The following AFAP1 variants were observed in gnomAD, a reference collection of about 807,000 sequenced individuals.
AFAP1 encodes the protein actin filament-associated protein 1.
A neutral mutation model predicts 93.9 loss-of-function variants in AFAP1; 75 were observed. The observed-to-expected ratio is 0.80, with a 90% CI of 0.66 to 0.97. The LOEUF (loss-of-function observed/expected upper bound fraction) is 0.97. Among genes scored for constraint, AFAP1 ranks in the 50% least tolerant of loss-of-function variants. AFAP1 has a pLI of 0.00. For missense variants in AFAP1, 1,201 were observed against 1,050.8 expected (o/e 1.14, Z -1.98); for synonymous variants, 517 against 430.7 (o/e 1.20, Z -2.48).
At chr4:7,912,335 G>A (rs548557631) in intron 1 of AFAP1, among the ~76,000 whole-genome samples, 2 of 152,274 alleles carry the variant, frequency 1.3e-5, no homozygotes, top group South Asian at 2.1e-4. Context: ...TGAGTGCTGC[G>A]TCCTATGGCA....
rs1232856743 is a variant in AFAP1, at chr4:7,831,325, TA to T, written c.726+7198del. The stretch of plus-strand genomic sequence containing the variant: ...TGAAAAATAGAGTAACTGAACAATT[TA>T]AACTCTTTAGAAAAGATACTTTACC... On this transcript the variant is annotated intron_variant, in intron 6 of 17. Coordinates refer to ENST00000420658, the MANE Select transcript of AFAP1 (RefSeq NM_001134647.2). 4.6e-5 allele frequency among the ~76,000 whole-genome samples: 7 copies of T among 151,728 alleles called. No individual in the cohort carries two copies. The South Asian group carries it at 6.3e-4, about 14-fold the overall frequency.
intron 1 of AFAP1, among the ~76,000 whole-genome samples, chr4:7,934,897 C>G (rs149011401): frequency 2.6e-5 from 4 of 152,276 alleles, no homozygotes; most frequent in Non-Finnish European, 4.4e-5. Context: ...ATTTTTTACA[C>G]GGGAATGTAA....
At chr4:7,866,440 C>G (rs972145812) in intron 3 of AFAP1, among the ~76,000 whole-genome samples, 1 of 152,206 alleles carries the variant, frequency 6.6e-6, no homozygotes, top group Non-Finnish European at 1.5e-5. Flanking sequence ...AGGCGATCCA[C>G]CCGCCTCAGC....
chr4:7,768,084 A>C (rs1042875730), intron 17 of AFAP1, among the ~76,000 whole-genome samples: 1 of 152,212 alleles, frequency 6.6e-6, no homozygotes, highest in South Asian at 2.1e-4. Context: ...CAAAAAAAGA[A>C]AAGTTAATTC....
chr4:7,912,137 T>C (rs1719767564), intron 1 of AFAP1, among the ~76,000 whole-genome samples: 1 of 152,192 alleles, frequency 6.6e-6, no homozygotes, highest in Admixed American at 6.5e-5. Flanking sequence ...AACAAGGACG[T>C]CATTAACTAT....
At chr4:7,825,101 T>C (rs1721305908) in intron 6 of AFAP1, among the ~76,000 whole-genome samples, 1 of 152,248 alleles carries the variant, frequency 6.6e-6, no homozygotes, top group Admixed American at 6.5e-5. Flanking sequence ...TTTCACTGTT[T>C]ATTATAGTTC....
rs1411569682 is a variant in AFAP1, at chr4:7,816,010, G to A, written c.904+8C>T. 6.2e-7 allele frequency: 1 copy of A among 1,606,714 alleles called. No homozygotes were observed. The highest frequency in any genetic ancestry group is 8.5e-7 in the Non-Finnish European group (1 of 1,176,520). On this transcript the variant is annotated splice_region_variant and intron_variant, in intron 8 of 17. Coordinates refer to ENST00000420658, the MANE Select transcript of AFAP1 (RefSeq NM_001134647.2). ...TGTATATATGTTTTTGGCACAAGCA[G>A]AACTCACCTTGCTCCTTTCCATTAC...
At chr4:7,771,439 AAT>A (rs1351950497) in intron 16 of AFAP1, among the ~76,000 whole-genome samples, 2 of 152,146 alleles carry the variant, frequency 1.3e-5, no homozygotes, top group African/African-American at 2.4e-5. Context: ...ATGTTGAATG[AAT>A]ATATGATTTT....
intron 1 of AFAP1, among the ~76,000 whole-genome samples, chr4:7,896,257 T>G (rs1295143036): frequency 6.6e-6 from 1 of 152,138 alleles, no homozygotes; most frequent in Non-Finnish European, 1.5e-5. Flanking sequence ...AAGAGGTTTT[T>G]TACATACACC....
intron 10 of AFAP1, among the ~76,000 whole-genome samples, chr4:7,794,984 A>T (rs76910064): frequency 0.01 from 1,590 of 152,328 alleles, 21 homozygotes; most frequent in African/African-American, 0.035. Flanking sequence ...TGAAGAAAAA[A>T]ATTTATTGCT....
intron 6 of AFAP1, among the ~76,000 whole-genome samples, chr4:7,831,383 C>G (rs1167795919): frequency 7.1e-6 from 1 of 140,180 alleles, no homozygotes; most frequent in Non-Finnish European, 1.5e-5. Flanking sequence ...TAAGAAAAAT[C>G]AGCAAATGCT....
intron 9 of AFAP1, among the ~76,000 whole-genome samples, chr4:7,803,712 T>A (rs964682515): frequency 3.3e-5 from 5 of 152,258 alleles, no homozygotes; most frequent in African/African-American, 1.2e-4. Flanking sequence ...TCTCATGGTG[T>A]CTTCTTCCCT....
At chr4:7,780,496 A>G (rs374524347) in intron 13 of AFAP1, among the ~76,000 whole-genome samples, 13 of 152,238 alleles carry the variant, frequency 8.5e-5, no homozygotes, top group Non-Finnish European at 1.8e-4. Flanking sequence ...CTTTAGGCAA[A>G]GCATGAACAA....
intron 14 of AFAP1, chr4:7,775,151 G>T (rs1715969525): frequency 4.6e-6 from 2 of 430,110 alleles, no homozygotes; most frequent in Admixed American, 4.0e-5. Flanking sequence ...AAAAAAATTA[G>T]GTTTATTCAA....
intron 17 of AFAP1, among the ~76,000 whole-genome samples, chr4:7,766,862 G>T (rs868199281): frequency 6.6e-6 from 1 of 152,162 alleles, no homozygotes; most frequent in Non-Finnish European, 1.5e-5. Context: ...ATTGGAAGCC[G>T]TCTGACTTTC....
intron 1 of AFAP1, among the ~76,000 whole-genome samples, chr4:7,920,711 G>A (rs1355672506): frequency 3.3e-5 from 5 of 152,126 alleles, no homozygotes; most frequent in Non-Finnish European, 7.3e-5. Context: ...AAATAGCCTG[G>A]GCTTCTTCCT....
chr4:7,818,876 C>A (rs1173619826), intron 7 of AFAP1, among the ~76,000 whole-genome samples, 200 bp downstream of exon 7: 1 of 152,188 alleles, frequency 6.6e-6, no homozygotes, highest in African/African-American at 2.4e-5. Flanking sequence ...CTGGGAGTAA[C>A]AACACTAACT....
chr4:7,855,334 T>C (rs888440213), intron 4 of AFAP1, 132 bp downstream of exon 4: 6 of 662,224 alleles, frequency 9.1e-6, no homozygotes, highest in Non-Finnish European at 1.5e-5. Flanking sequence ...ACAATCTCTT[T>C]GGGTTCAAAA....
intron 15 of AFAP1, 138 bp from the exon 16 acceptor site, chr4:7,773,148 ACT>A (rs1372650388): frequency 7.5e-7 from 1 of 1,341,674 alleles, no homozygotes; most frequent in East Asian, 2.5e-5. Flanking sequence ...TCGTTGTGAA[ACT>A]TAAATTCAGC....
Sources: gnomAD v4.1 joint callset for allele counts (sites outside exome capture counted in the v4.1 genomes callset) on GRCh38, gnomAD v4.1.1 for gene constraint, MANE v1.5 for transcripts, NCBI Gene and HGNC (gene_info 2026-07-23, HGNC 2026-07-21) for gene names.